The following PTTG1IP variants were observed in gnomAD, a reference collection of about 807,000 sequenced individuals.
PTTG1IP encodes the protein pituitary tumor-transforming gene 1 protein-interacting protein.
Under a neutral mutation model 24.4 loss-of-function variants are expected in PTTG1IP, and 16 were observed. The observed-to-expected ratio is 0.66, with a 90% CI of 0.44 to 1.00. PTTG1IP has a LOEUF of 1.00. Among genes scored for constraint, PTTG1IP ranks in the 50% least tolerant of loss-of-function variants. PTTG1IP has a pLI of 0.00. For synonymous variants in PTTG1IP, 89 were observed against 96.8 expected (o/e 0.92, Z 0.47); for missense variants, 241 against 245.8 (o/e 0.98, Z 0.13).
At chr21:44,864,155 G>A (rs2083516006) in intron 2 of PTTG1IP, among the ~76,000 whole-genome samples, 1 of 152,224 alleles carries the variant, frequency 6.6e-6, no homozygotes, top group Admixed American at 6.5e-5. Flanking sequence ...CAAGGGGTGG[G>A]CGAGATCAGG....
Position 44,856,149 on chromosome 21 carries a change from T to A in PTTG1IP, c.449+44A>T, listed in dbSNP as rs187120928. 3.7e-6 allele frequency: 6 copies of A among 1,613,590 alleles called. No homozygotes were observed. In the East Asian group the frequency reaches 1.1e-4, roughly 30 times the overall value. ...ATTTCCATGGCCTTGCAGATCTGAATCCCCTCGAAGTAACCTTCCCAGCGG... is the reference window on the plus strand; with the variant it reads ...ATTTCCATGGCCTTGCAGATCTGAAACCCCTCGAAGTAACCTTCCCAGCGG... On this transcript the variant is annotated intron_variant, in intron 4 of 5. Transcript: ENST00000330938.
In PTTG1IP at chr21:44,854,824, G is replaced by A. The variant is rs554257131; in HGVS notation, c.496+386C>T. ...GGAGCGCCTGCCACACTCAGAAGAT[G>A]GCAACGAGCAACGCTCCCGAGGATG... On this transcript the variant is annotated intron_variant, in intron 5 of 5. Coordinates refer to ENST00000330938, the MANE Select transcript of PTTG1IP (RefSeq NM_004339.4). Among the ~76,000 whole-genome samples the A allele has an allele frequency of 8.5e-5, 13 of 152,280 alleles. No homozygotes were observed. The East Asian group carries it at 2.3e-3, about 27-fold the overall frequency.
At chr21:44,870,184 T>C (rs1440430141) in intron 1 of PTTG1IP, among the ~76,000 whole-genome samples, 1 of 151,998 alleles carries the variant, frequency 6.6e-6, no homozygotes, top group Non-Finnish European at 1.5e-5. Flanking sequence ...CTCATGAAAA[T>C]AACATCAAAG....
chr21:44,852,805 C>T (rs1048960933), intron 5 of PTTG1IP, among the ~76,000 whole-genome samples: 1 of 152,164 alleles, frequency 6.6e-6, no homozygotes, highest in East Asian at 1.9e-4. Flanking sequence ...AGGGTTTTTG[C>T]GTGCGTGCTG....
chr21:44,863,845 C>A (rs1200236500), intron 2 of PTTG1IP, among the ~76,000 whole-genome samples: 1 of 152,244 alleles, frequency 6.6e-6, no homozygotes, highest in Non-Finnish European at 1.5e-5. Context: ...TTAAGTCCCA[C>A]AAACTGACAG....
At chr21:44,854,639 C>T (rs1484967553) in intron 5 of PTTG1IP, among the ~76,000 whole-genome samples, 2 of 152,214 alleles carry the variant, frequency 1.3e-5, no homozygotes, top group Non-Finnish European at 2.9e-5. Flanking sequence ...TGTGTATTTC[C>T]AATTCACTCC....
intron 1 of PTTG1IP, among the ~76,000 whole-genome samples, chr21:44,870,507 C>A (rs1164758727): frequency 9.3e-6 from 1 of 107,174 alleles, no homozygotes; most frequent in Non-Finnish European, 1.7e-5. Context: ...GCCTGGGCAA[C>A]AGGGCAAGAC....
chr21:44,858,587 C>T (rs567087432), intron 3 of PTTG1IP, among the ~76,000 whole-genome samples: 1 of 152,332 alleles, frequency 6.6e-6, no homozygotes, highest in South Asian at 2.1e-4. Context: ...CCTCCCCGAG[C>T]CCTGTTCCCC....
At position 44,867,756 on chromosome 21, in the gene PTTG1IP, A is replaced by G. The variant is rs144384868; in HGVS notation, c.116-2309T>C. 1.1e-3 allele frequency among the ~76,000 whole-genome samples: 167 copies of G among 152,352 alleles called. 1 individual carries two copies. Among genetic ancestry groups the G allele is most frequent in the African/African-American group, 4.0e-3 (165 of 41,580 alleles). On this transcript the variant is annotated intron_variant, in intron 1 of 5. Coordinates refer to ENST00000330938, the MANE Select transcript of PTTG1IP (RefSeq NM_004339.4). ...TGAAGTGGCGGGTATACAAGCGCGC[A>G]CCACAAAATCCTGCAGCTTTGCTGT...
chr21:44,851,721 A>T, intron 5 of PTTG1IP, 94 bp from the exon 6 acceptor site: 1 of 1,444,954 alleles, frequency 6.9e-7, no homozygotes, highest in Non-Finnish European at 9.3e-7. Context: ...AAGAAGATTT[A>T]CTGAGGCTAT....
chr21:44,853,894 C>T (rs750814072), intron 5 of PTTG1IP, among the ~76,000 whole-genome samples: 5 of 152,360 alleles, frequency 3.3e-5, no homozygotes, highest in Admixed American at 1.3e-4. Flanking sequence ...GGCAGCCTCA[C>T]GCCCCCAAGC....
intron 3 of PTTG1IP, among the ~76,000 whole-genome samples, chr21:44,856,958 G>A (rs1601245852): frequency 6.6e-6 from 1 of 152,126 alleles, no homozygotes; most frequent in African/African-American, 2.4e-5. Flanking sequence ...AGGACCTTGG[G>A]GCTGAAGAAC....
At chr21:44,866,185 G>T (rs969826370) in intron 1 of PTTG1IP, among the ~76,000 whole-genome samples, 3 of 150,328 alleles carry the variant, frequency 2.0e-5, no homozygotes, top group Non-Finnish European at 2.9e-5. Flanking sequence ...CAACCAAGCT[G>T]ACTGCCTACT....
chr21:44,856,047 G>C, intron 4 of PTTG1IP, 146 bp downstream of exon 4: 1 of 1,509,822 alleles, frequency 6.6e-7, no homozygotes, highest in Non-Finnish European at 8.9e-7. Flanking sequence ...TCTCTACCAC[G>C]ACCTAGAAGA....
chr21:44,873,356 A>C (rs235372), intron 1 of PTTG1IP, 146 bp downstream of exon 1: 162,252 of 800,448 alleles, frequency 0.2, 20,387 homozygotes, highest in African/African-American at 0.52. Flanking sequence ...ACCCTCGAGG[A>C]GCCTCCGTCG....
chr21:44,873,415 C>T, intron 1 of PTTG1IP, 87 bp downstream of exon 1: 1 of 1,182,356 alleles, frequency 8.5e-7, no homozygotes, highest in Non-Finnish European at 1.1e-6. Flanking sequence ...AGCCCAGCGC[C>T]CTGGCCGAAA....
At chr21:44,853,050 G>C (rs1315827529) in intron 5 of PTTG1IP, among the ~76,000 whole-genome samples, 1 of 152,200 alleles carries the variant, frequency 6.6e-6, no homozygotes, top group Non-Finnish European at 1.5e-5. Context: ...ACCACTCCAA[G>C]AGCCTGGCCG....
intron 3 of PTTG1IP, among the ~76,000 whole-genome samples, chr21:44,859,519 CAGAG>C (rs1459260280): frequency 2.0e-5 from 3 of 152,216 alleles, no homozygotes; most frequent in Non-Finnish European, 4.4e-5. Context: ...AAAGTCCATG[CAGAG>C]AGAGACTTCA....
chr21:44,856,430 T>TC, intron 3 of PTTG1IP, 66 bp from the exon 4 acceptor site: 3 of 1,510,362 alleles, frequency 2.0e-6, no homozygotes, highest in Non-Finnish European at 2.7e-6. Flanking sequence ...ACAGCAGCCT[T>TC]CCCTCGCCCC....
Sources: gnomAD v4.1 joint callset for allele counts (sites outside exome capture counted in the v4.1 genomes callset) on GRCh38, gnomAD v4.1.1 for gene constraint, MANE v1.5 for transcripts, NCBI Gene and HGNC (gene_info 2026-07-23, HGNC 2026-07-21) for gene names.